SHCBP1L: variants seen among roughly 807,000 people sequenced by gnomAD.
The protein encoded by SHCBP1L is SHC binding and spindle associated 1 like, also known as testicular spindle-associated protein SHCBP1L.
In SHCBP1L, 67 loss-of-function variants were observed where a neutral mutation model predicts 62.5. The observed-to-expected ratio is 1.07, with a 90% CI of 0.88 to 1.31. The LOEUF (loss-of-function observed/expected upper bound fraction) is 1.31. Among genes scored for constraint, SHCBP1L ranks in the 40% most tolerant of loss-of-function variants. SHCBP1L has a pLI of 0.00. For synonymous variants in SHCBP1L, 284 were observed against 289.4 expected (o/e 0.98, Z 0.19); for missense variants, 823 against 809.8 (o/e 1.02, Z -0.20).
In SHCBP1L at chr1:182,899,977, G is replaced by C; in HGVS notation, c.*6C>G. On this transcript the variant is annotated 3_prime_UTR_variant, in exon 10 of 10. Transcript: ENST00000367547. ...AATATAAAACTTTAACATCAATTCAGACGCTTTAACTTGTGACTATTCTGA... is the reference window on the plus strand; with the variant it reads ...AATATAAAACTTTAACATCAATTCACACGCTTTAACTTGTGACTATTCTGA... The C allele has an allele frequency of 6.3e-7, 1 of 1,588,568 alleles. No individual in the cohort carries two copies.
At chr1:182,952,310 G>T (rs573464072) in intron 1 of SHCBP1L, among the ~76,000 whole-genome samples, 106 of 141,732 alleles carry the variant, frequency 7.5e-4, no homozygotes, top group Non-Finnish European at 1.4e-3. Flanking sequence ...ATTGTGGACT[G>T]CTGAGTGGGA....
At chr1:182,946,308 C>T (rs1295110473) in intron 2 of SHCBP1L, among the ~76,000 whole-genome samples, 1 of 152,006 alleles carries the variant, frequency 6.6e-6, no homozygotes, top group Non-Finnish European at 1.5e-5. Flanking sequence ...CAACCTCTTC[C>T]CCCATCTCTC....
At chr1:182,912,179 C>T (rs114648130) in intron 6 of SHCBP1L, among the ~76,000 whole-genome samples, 9,115 of 152,292 alleles carry the variant, frequency 0.06, 387 homozygotes, top group African/African-American at 0.12. Context: ...CGGTGGCTCA[C>T]GCCTGTACTC....
At chr1:182,916,770 G>A (rs1042311616) in intron 6 of SHCBP1L, among the ~76,000 whole-genome samples, 2 of 152,064 alleles carry the variant, frequency 1.3e-5, no homozygotes, top group African/African-American at 4.8e-5. Context: ...ACAAAGAAAA[G>A]TCCAAGATCA....
intron 2 of SHCBP1L, among the ~76,000 whole-genome samples, chr1:182,950,184 T>C (rs773354804): frequency 6.6e-6 from 1 of 152,226 alleles, no homozygotes; most frequent in Admixed American, 6.5e-5. Context: ...ATACATAAGT[T>C]TTTCTTGTAT....
At chr1:182,930,703 GTATA>G (rs1217293960) in intron 5 of SHCBP1L, among the ~76,000 whole-genome samples, 1 of 14,274 alleles carries the variant, frequency 7.0e-5, no homozygotes, top group African/African-American at 2.0e-4. Flanking sequence ...GTGTGTGTGT[GTATA>G]TATATATATA....
intron 6 of SHCBP1L, among the ~76,000 whole-genome samples, chr1:182,906,862 G>T (rs1199043870): frequency 1.3e-5 from 2 of 152,002 alleles, no homozygotes; most frequent in African/African-American, 2.4e-5. Context: ...CTCTCGCCCA[G>T]GCTGGAGTGC....
At position 182,940,686 on chromosome 1, in the gene SHCBP1L, T is replaced by C. The variant is rs1010490091; in HGVS notation, c.556-143A>G. ...CAACAATCAACATACAGAATAATTATAGATCAATATTAAATATACTACCAA... is the reference window on the plus strand; with the variant it reads ...CAACAATCAACATACAGAATAATTACAGATCAATATTAAATATACTACCAA... On this transcript the variant is annotated intron_variant, in intron 2 of 9. Transcript: ENST00000367547. 22 of 614,084 alleles carry C rather than the reference T, an allele frequency of 3.6e-5. No individual in the cohort carries two copies. The African/African-American group carries it at 3.7e-4, about 10-fold the overall frequency. The allele number at this position is 614,084 out of a possible 1,614,324, so 38.0% of individuals were successfully genotyped here.
chr1:182,929,759 T>C lies in SHCBP1L; in HGVS notation c.1077-7A>G. On this transcript the variant is annotated splice_region_variant and splice_polypyrimidine_tract_variant and intron_variant, in intron 5 of 9. Transcript: ENST00000367547. The stretch of plus-strand genomic sequence containing the variant: ...AAAGAAAGGTCCATGAACTCTATAG[T>C]TGAAAATATTTAGTTATAATTAAAT... 2.0e-6 allele frequency: 3 copies of C among 1,525,620 alleles called. No homozygotes were observed. The highest frequency in any genetic ancestry group is 1.8e-6 in the Non-Finnish European group (2 of 1,127,018). The allele number at this position is 1,525,620 out of a possible 1,614,324, so 94.5% of individuals were successfully genotyped here. A position where few individuals can be genotyped will look rare whatever the true frequency, so the allele number is the denominator to read the frequency against.
chr1:182,934,959 C>T (rs779121208), intron 5 of SHCBP1L, among the ~76,000 whole-genome samples: 2 of 152,080 alleles, frequency 1.3e-5, no homozygotes, highest in Non-Finnish European at 2.9e-5. Context: ...TCAAGTCAGT[C>T]TACTCTATGT....
chr1:182,952,295 G>A (rs1651801739), intron 1 of SHCBP1L, among the ~76,000 whole-genome samples: 1 of 131,968 alleles, frequency 7.6e-6, no homozygotes, highest in Non-Finnish European at 1.6e-5. Flanking sequence ...TATATATCAT[G>A]CCGCATTGTG....
intron 6 of SHCBP1L, among the ~76,000 whole-genome samples, chr1:182,906,557 G>T (rs1019015726): frequency 6.6e-6 from 1 of 150,982 alleles, no homozygotes; most frequent in African/African-American, 2.4e-5. Flanking sequence ...TCAGCCTCCC[G>T]AGTAGTTGGG....
chr1:182,929,810 C>A, intron 5 of SHCBP1L, 58 bp from the exon 6 acceptor site: 1 of 1,199,788 alleles, frequency 8.3e-7, no homozygotes, highest in South Asian at 1.4e-5. Flanking sequence ...TGACCTTGTC[C>A]TTACTTGTAA....
chr1:182,924,525 T>C (rs887234463), intron 6 of SHCBP1L, among the ~76,000 whole-genome samples: 3 of 151,554 alleles, frequency 2.0e-5, no homozygotes, highest in Non-Finnish European at 2.9e-5. Context: ...CTTGATCTCC[T>C]GACCTCGTGA....
intron 6 of SHCBP1L, among the ~76,000 whole-genome samples, chr1:182,928,069 G>A (rs190283186): frequency 6.6e-6 from 1 of 152,176 alleles, no homozygotes; most frequent in Non-Finnish European, 1.5e-5. Context: ...CAACATGATT[G>A]AATAATATGC....
chr1:182,924,708 GAAA>G lies in SHCBP1L; in HGVS notation c.1182+4936_1182+4938del, dbSNP rs1650631135. Among the ~76,000 whole-genome samples the G allele has an allele frequency of 3.9e-3, 127 of 32,162 alleles. 3 individuals are homozygous for G. The highest frequency in any genetic ancestry group is 0.029 in the African/African-American group (120 of 4,084). 21.1% of individuals were successfully genotyped at this position (32,162 alleles called of 152,430 possible). A position where few individuals can be genotyped will look rare whatever the true frequency, so the allele number is the denominator to read the frequency against. ...AAGGAAAGGAAAGGAAAGGAAGAAA[GAAA>G]GAAAGAAAGAAAGAAAGAAAGAAAG... On this transcript the variant is annotated intron_variant, in intron 6 of 9. Coordinates refer to ENST00000367547, the MANE Select transcript of SHCBP1L (RefSeq NM_030933.4).
rs58308065 is a variant in SHCBP1L at position 182,927,050 on chromosome 1, CTATATATATATA to C, written c.1182+2585_1182+2596del. Among the ~76,000 whole-genome samples, 71 of 90,526 alleles carry C rather than the reference CTATATATATATA, an allele frequency of 7.8e-4. 1 individual carries two copies. The highest frequency in any genetic ancestry group is 8.9e-4 in the Admixed American group (8 of 8,976). The allele number at this position is 90,526 out of a possible 152,430, so 59.4% of individuals were successfully genotyped here. A position where few individuals can be genotyped will look rare whatever the true frequency, so the allele number is the denominator to read the frequency against. ...TTAGAGCCCATGCTCTTAACTAGCA[CTATATATATATA>C]TATATATATATATATATATATATAT... On this transcript the variant is annotated intron_variant, in intron 6 of 9. Transcript: ENST00000367547.
chr1:182,910,607 A>C (rs1650147945), intron 6 of SHCBP1L, among the ~76,000 whole-genome samples: 1 of 152,210 alleles, frequency 6.6e-6, no homozygotes, highest in South Asian at 2.1e-4. Flanking sequence ...TTTTGGAGGA[A>C]TAAGGGCTTG....
At chr1:182,906,625 T>G (rs1448544107) in intron 6 of SHCBP1L, among the ~76,000 whole-genome samples, 1 of 151,224 alleles carries the variant, frequency 6.6e-6, no homozygotes. Flanking sequence ...AGAGACAGGG[T>G]TTCGCCATGT....
Sources: allele counts gnomAD v4.1 joint callset (sites outside exome capture counted in the v4.1 genomes callset), GRCh38; gene constraint gnomAD v4.1.1; transcripts MANE v1.5; gene names NCBI Gene and HGNC (gene_info 2026-07-23, HGNC 2026-07-21).